The following EEF1E1 variants were observed in gnomAD, a reference collection of about 807,000 sequenced individuals.
EEF1E1 encodes eukaryotic translation elongation factor 1 epsilon 1, also known as eukaryotic translation elongation factor 1 epsilon-1.
In EEF1E1, 19 loss-of-function variants were observed where a neutral mutation model predicts 19.9. The observed-to-expected ratio is 0.95, with a 90% CI of 0.66 to 1.40. The LOEUF is 1.40. EEF1E1 is among the 40% of genes most tolerant of loss of function. The probability of loss-of-function intolerance (pLI) is 0.00; values close to 1 mark genes in which losing one functional copy is unlikely to be tolerated. For synonymous variants in EEF1E1, 81 were observed against 80.0 expected (o/e 1.01, Z -0.07); for missense variants, 198 against 202.2 (o/e 0.98, Z 0.13).
In EEF1E1 at chr6:8,095,908, G is replaced by A. The variant is rs142229793; in HGVS notation, c.288+1359C>T. Among the ~76,000 whole-genome samples the A allele has an allele frequency of 4.9e-3, 742 of 152,308 alleles. 9 individuals carry two copies. The highest frequency in any genetic ancestry group is 0.017 in the African/African-American group (693 of 41,548). ...CACCAGTCTGAGTTCTATAAGGGCAGAAACTGTGTCTAATGCACCACCAGC... is the reference window on the plus strand; with the variant it reads ...CACCAGTCTGAGTTCTATAAGGGCAAAAACTGTGTCTAATGCACCACCAGC... On this transcript the variant is annotated intron_variant, in intron 2 of 3. Transcript: ENST00000379715.
chr6:8,087,897 T>G (rs979448697), intron 3 of EEF1E1, among the ~76,000 whole-genome samples: 3 of 152,198 alleles, frequency 2.0e-5, no homozygotes, highest in Non-Finnish European at 2.9e-5. Context: ...AGTTCTTTTT[T>G]TTCCACAGGG....
chr6:8,083,063 C>T (rs547299500), intron 3 of EEF1E1, among the ~76,000 whole-genome samples: 1 of 152,300 alleles, frequency 6.6e-6, no homozygotes. Context: ...GCCAGTGTGT[C>T]TATAGTGGTG....
chr6:8,077,145 G>A (rs551585435), downstream of EEF1E1, among the ~76,000 whole-genome samples: 53 of 152,034 alleles, frequency 3.5e-4, 1 homozygote, highest in East Asian at 2.1e-3. Flanking sequence ...GGGTTTCACC[G>A]TGTTAGCCAG....
At chr6:8,078,616 A>C, downstream of EEF1E1, 1 of 1,169,802 alleles carries the variant, frequency 8.5e-7, no homozygotes, top group Non-Finnish European at 1.1e-6. Flanking sequence ...AAGATGCAGT[A>C]AAATGAGGCA....
chr6:8,100,802 C>T (rs1758327719), intron 1 of EEF1E1, among the ~76,000 whole-genome samples: 1 of 151,286 alleles, frequency 6.6e-6, no homozygotes, highest in Non-Finnish European at 1.5e-5. Flanking sequence ...ACCCTGGCGC[C>T]ACCAGCCCCA....
chr6:8,078,440 G>C (rs1266419040), downstream of EEF1E1: 1 of 197,512 alleles, frequency 5.1e-6, no homozygotes, highest in African/African-American at 2.4e-5. Flanking sequence ...AAAGATCACG[G>C]GACACAGATC....
At chr6:8,095,043 A>G (rs1758127355) in intron 2 of EEF1E1, among the ~76,000 whole-genome samples, 2 of 152,186 alleles carry the variant, frequency 1.3e-5, no homozygotes, top group Admixed American at 1.3e-4. Flanking sequence ...TTTTTGGGGA[A>G]TCAAAATTAT....
At chr6:8,090,358 A>T in intron 2 of EEF1E1, 77 bp from the exon 3 acceptor site, 3 of 1,086,842 alleles carry the variant, frequency 2.8e-6, no homozygotes, top group Non-Finnish European at 3.6e-6. Flanking sequence ...TCATGACTTA[A>T]AAGATTTAGG....
At chr6:8,093,201 C>T (rs1463529948) in intron 2 of EEF1E1, among the ~76,000 whole-genome samples, 1 of 151,900 alleles carries the variant, frequency 6.6e-6, no homozygotes, top group Non-Finnish European at 1.5e-5. Context: ...TTTTTATAAA[C>T]TATGATTAGG....
chr6:8,096,265 CT>C (rs1402356442), intron 2 of EEF1E1, among the ~76,000 whole-genome samples: 2 of 152,204 alleles, frequency 1.3e-5, no homozygotes, highest in Non-Finnish European at 2.9e-5. Context: ...GTTGTGTTCA[CT>C]TGTTATTTGC....
intron 3 of EEF1E1, among the ~76,000 whole-genome samples, chr6:8,081,977 G>C (rs1374730348): frequency 6.6e-6 from 1 of 152,110 alleles, no homozygotes; most frequent in African/African-American, 2.4e-5. Flanking sequence ...ACTAATGCTT[G>C]TTTATGTTCA....
At chr6:8,073,384 C>T (rs1476321626) in exon 4 of EEF1E1, 4 of 1,495,496 alleles carry the variant, frequency 2.7e-6, no homozygotes, top group East Asian at 2.5e-5. Context: ...TTTTATGGCA[C>T]TCCATGTAGA....
At chr6:8,082,451 G>A (rs572750958) in intron 3 of EEF1E1, among the ~76,000 whole-genome samples, 1 of 152,096 alleles carries the variant, frequency 6.6e-6, no homozygotes, top group South Asian at 2.1e-4. Flanking sequence ...CTAATTTTTT[G>A]TACTTTTAGT....
At chr6:8,092,427 C>T (rs1758037364) in intron 2 of EEF1E1, among the ~76,000 whole-genome samples, 2 of 152,164 alleles carry the variant, frequency 1.3e-5, no homozygotes, top group African/African-American at 4.8e-5. Flanking sequence ...TAATCTACTT[C>T]CACTTAATAA....
In EEF1E1 at chr6:8,101,667, C is replaced by T. The variant is rs1758368162; in HGVS notation, c.87+768G>A. ...AAAAAAAACATATATCCAAAGTAGT[C>T]TTCCTACAACCAATTTCCTTCTCTA... On this transcript the variant is annotated intron_variant, in intron 1 of 3. Coordinates refer to ENST00000379715, the MANE Select transcript of EEF1E1 (RefSeq NM_004280.5). 1.4e-5 allele frequency: 15 copies of T among 1,058,364 alleles called. No homozygotes were observed. The South Asian group carries it at 2.2e-4, about 16-fold the overall frequency. The allele number at this position is 1,058,364 out of a possible 1,614,324, so 65.6% of individuals were successfully genotyped here.
chr6:8,090,424 C>T (rs1757985279), intron 2 of EEF1E1, 143 bp from the exon 3 acceptor site: 2 of 628,904 alleles, frequency 3.2e-6, no homozygotes, highest in Non-Finnish European at 4.6e-6. Context: ...CATTAATATT[C>T]ATTCAAAATC....
At chr6:8,075,561 A>AG (rs761404015), downstream of EEF1E1, among the ~76,000 whole-genome samples, 2 of 152,336 alleles carry the variant, frequency 1.3e-5, no homozygotes, top group Admixed American at 6.5e-5. Context: ...AACTAAAAAA[A>AG]ATTTTATTGC....
rs375989705 is a variant in EEF1E1 at position 8,087,708 on chromosome 6, G to C, written c.384+2478C>G. On this transcript the variant is annotated intron_variant, in intron 3 of 3. Transcript: ENST00000379715. ...CGGTCATGAGAAAGACTGCTCCAGG[G>C]GCCACCAAGCTCATCTCTTACAGTC... Among the ~76,000 whole-genome samples, 3 of 152,246 alleles carry C rather than the reference G, an allele frequency of 2.0e-5. No homozygotes were observed. The East Asian group carries it at 5.8e-4, about 29-fold the overall frequency.
intron 3 of EEF1E1, among the ~76,000 whole-genome samples, chr6:8,088,162 G>A (rs954108967): frequency 6.6e-6 from 1 of 152,150 alleles, no homozygotes; most frequent in Non-Finnish European, 1.5e-5. Flanking sequence ...ACAGCATGAA[G>A]AACAGTGCCA....
Sources: gnomAD v4.1 joint callset for allele counts (sites outside exome capture counted in the v4.1 genomes callset) on GRCh38, gnomAD v4.1.1 for gene constraint, MANE v1.5 for transcripts, NCBI Gene and HGNC (gene_info 2026-07-23, HGNC 2026-07-21) for gene names.